HOXD11: variants seen among roughly 807,000 people sequenced by gnomAD.
The protein encoded by HOXD11 is homeobox protein Hox-D11.
HOXD11 carries 16 observed loss-of-function variants against 23.1 expected under a neutral mutation model. The ratio of observed to expected loss-of-function variants is 0.69; its 90% CI spans 0.47 to 1.05. The LOEUF (loss-of-function observed/expected upper bound fraction) is 1.05, where lower values mean the gene tolerates loss of function less well. Ranked by LOEUF, HOXD11 falls within the 50% of genes least tolerant of loss-of-function variation. The pLI, the probability that HOXD11 is intolerant of heterozygous loss-of-function variation, is 0.00. For missense variants in HOXD11, 564 were observed against 495.6 expected (o/e 1.14, Z -1.31); for synonymous variants, 262 against 224.4 (o/e 1.17, Z -1.50).
chr2:176,109,142 A>G lies in HOXD11; in HGVS notation c.1017A>G (p.Ter339TrpextTer104). The change falls in exon 2 of 2, where the codon TGA (stop) becomes TGG (tryptophan). Residue 339 changes from the stop codon to tryptophan, a stop_lost. Coordinates refer to ENST00000249504, the MANE Select transcript of HOXD11 (RefSeq NM_021192.3). ...LQYFTGNPLF* is the reference protein window; with the variant it reads ...LQYFTGNPLFW Reference sequence around the variant, plus strand: ...ATTTCACTGGAAACCCCTTATTTTGAGAGCTCCAGGAAGCGCCCTCACCCC... The same window carrying G: ...ATTTCACTGGAAACCCCTTATTTTGGGAGCTCCAGGAAGCGCCCTCACCCC... The G allele has an allele frequency of 6.2e-7, 1 of 1,601,840 alleles. No individual in the cohort carries two copies. The highest frequency in any genetic ancestry group is 8.6e-7 in the Non-Finnish European group (1 of 1,169,062).
chr2:176,107,457 C>T lies in HOXD11; in HGVS notation c.102C>T (p.Phe34=), dbSNP rs747734841. Residue 34 remains phenylalanine (F), a synonymous_variant, in exon 1 of 2, where the codon TTC becomes TTT. Coordinates refer to ENST00000249504, the MANE Select transcript of HOXD11 (RefSeq NM_021192.3). The stretch of plus-strand genomic sequence containing the variant: ...CTGACTTCGCTAGCAAGCCTTCGTT[C>T]CTTTCCCAACCGTCGTCCTGCCAGA... ...APSDFASKPS[F]LSQPSSCQMT... is the part of the protein sequence containing the mutation. 11 of 1,614,046 alleles carry T rather than the reference C, an allele frequency of 6.8e-6. No homozygotes were observed. Among genetic ancestry groups the T allele is most frequent in the Non-Finnish European group, 9.3e-6 (11 of 1,179,942 alleles).
intron 1 of HOXD11, 57 bp downstream of exon 1, chr2:176,108,193 G>GC: frequency 1.6e-6 from 1 of 617,850 alleles, no homozygotes; most frequent in Non-Finnish European, 2.3e-6. Flanking sequence ...GAGGGGGGGG[G>GC]GGCGGAGGCC....
chr2:176,112,762 G>A (rs1398682192), downstream of HOXD11, among the ~76,000 whole-genome samples: 1 of 152,238 alleles, frequency 6.6e-6, no homozygotes, highest in Non-Finnish European at 1.5e-5. Flanking sequence ...GGCTGTGCGG[G>A]GGCCCCTTGG....
intron 1 of HOXD11, among the ~76,000 whole-genome samples, chr2:176,108,586 T>C (rs1287485449): frequency 1.3e-5 from 2 of 151,792 alleles, no homozygotes. Flanking sequence ...GCGGGCCTGC[T>C]CTTGTCTCTG....
downstream of HOXD11, among the ~76,000 whole-genome samples, chr2:176,111,818 C>T (rs1197833814): frequency 1.2e-5 from 1 of 80,846 alleles, no homozygotes; most frequent in Non-Finnish European, 2.5e-5. Context: ...ACATCCCCCT[C>T]CCCCCCGCAA....
At chr2:176,113,447 T>C (rs555156813), downstream of HOXD11, among the ~76,000 whole-genome samples, 1 of 152,354 alleles carries the variant, frequency 6.6e-6, no homozygotes, top group South Asian at 2.1e-4. Flanking sequence ...ATCTCCTTTA[T>C]GGTGCAATAT....
chr2:176,110,496 T>C (rs1215857833), downstream of HOXD11, among the ~76,000 whole-genome samples: 1 of 152,194 alleles, frequency 6.6e-6, no homozygotes, highest in Non-Finnish European at 1.5e-5. Flanking sequence ...TATAAATCTA[T>C]AAATGCACAG....
chr2:176,114,473 T>G (rs917380231), downstream of HOXD11, among the ~76,000 whole-genome samples: 1 of 151,788 alleles, frequency 6.6e-6, no homozygotes. Flanking sequence ...AACCTGACAA[T>G]GATGTTGTAT....
Position 176,107,770 on chromosome 2 carries a change from G to C in HOXD11, c.415G>C (p.Val139Leu), listed in dbSNP as rs1574949193. The C allele has an allele frequency of 3.1e-6, 4 of 1,273,660 alleles. No homozygotes were observed. The highest frequency in any genetic ancestry group is 4.1e-5 in the Admixed American group (1 of 24,402). 78.9% of individuals were successfully genotyped at this position (1,273,660 alleles called of 1,614,324 possible). The change falls in exon 1 of 2, where the codon GTG becomes CTG. Residue 139 changes from valine to leucine, a missense_variant. By Grantham distance (32) the Val-to-Leu change is conservative (BLOSUM62 1). Coordinates refer to ENST00000249504, the MANE Select transcript of HOXD11 (RefSeq NM_021192.3). ...CCCGCCCGCGGGCCGCCGGCCGGACGTGCTCTTCAAGGCGCCTGAGCCGGT... is the reference window on the plus strand; with the variant it reads ...CCCGCCCGCGGGCCGCCGGCCGGACCTGCTCTTCAAGGCGCCTGAGCCGGT... Reference protein sequence around the residue: ...LLPPAGRRPDVLFKAPEPVCA... With the variant: ...LLPPAGRRPDLLFKAPEPVCA...
chr2:176,113,400 C>T (rs1402748534), downstream of HOXD11, among the ~76,000 whole-genome samples: 1 of 152,228 alleles, frequency 6.6e-6, no homozygotes, highest in Non-Finnish European at 1.5e-5. Flanking sequence ...AGAACTGTGG[C>T]AGGGAGAAGG....
chr2:176,108,354 A>C (rs847146), intron 1 of HOXD11, among the ~76,000 whole-genome samples: 62,820 of 151,096 alleles, frequency 0.42, 14,913 homozygotes, highest in African/African-American at 0.66. Flanking sequence ...GGACATTAAT[A>C]GCTGTCGAGA....
At chr2:176,112,031 G>A (rs1689682862), downstream of HOXD11, among the ~76,000 whole-genome samples, 1 of 152,146 alleles carries the variant, frequency 6.6e-6, no homozygotes, top group South Asian at 2.1e-4. Flanking sequence ...TACCAGTGGC[G>A]ACCGAGTGGC....
intron 1 of HOXD11, 100 bp from the exon 2 acceptor site, chr2:176,108,807 G>A (rs1403406514): frequency 2.6e-6 from 2 of 755,976 alleles, no homozygotes; most frequent in Non-Finnish European, 4.3e-6. Flanking sequence ...CGTCCCCAAC[G>A]GGGCCAGGGC....
At position 176,107,517 on chromosome 2, in the gene HOXD11, C is replaced by G. The variant is rs770957745; in HGVS notation, c.162C>G (p.His54Gln). ...TFPYSSNLAP[H>Q]VQPVREVAFR... is the part of the protein sequence containing the mutation. ...CCTACTCTTCCAACCTGGCTCCGCA[C>G]GTCCAGCCCGTGCGCGAAGTGGCCT... The change falls in exon 1 of 2, where the codon CAC becomes CAG. Residue 54 changes from histidine (H) to glutamine (Q), a missense_variant. Physicochemically the swap from His to Gln is conservative, Grantham distance 24. Transcript: ENST00000249504. The G allele has an allele frequency of 6.2e-7, 1 of 1,613,564 alleles. No individual in the cohort carries two copies. Among genetic ancestry groups the G allele is most frequent in the Non-Finnish European group, 8.5e-7 (1 of 1,179,802 alleles).
intron 1 of HOXD11, 58 bp from the exon 2 acceptor site, chr2:176,108,849 G>A (rs1362998774): frequency 5.6e-6 from 7 of 1,247,102 alleles, no homozygotes; most frequent in African/African-American, 1.5e-5. Flanking sequence ...GGGCGGGCGG[G>A]CGGGTGGGGG....
At chr2:176,113,669 T>A (rs1349237050), downstream of HOXD11, among the ~76,000 whole-genome samples, 3 of 152,382 alleles carry the variant, frequency 2.0e-5, no homozygotes, top group East Asian at 5.8e-4. Context: ...TGCTCAATTT[T>A]TTAATGATAA....
At chr2:176,114,155 A>G (rs1426354076), downstream of HOXD11, among the ~76,000 whole-genome samples, 1 of 152,232 alleles carries the variant, frequency 6.6e-6, no homozygotes, top group Non-Finnish European at 1.5e-5. Flanking sequence ...AGCTAGTGTC[A>G]GGGCGCCTGC....
chr2:176,115,190 A>C, the HOXD11 span, among the ~76,000 whole-genome samples: 1 of 152,152 alleles, frequency 6.6e-6, no homozygotes, highest in Admixed American at 6.5e-5. Context: ...AATGAGCCGG[A>C]CCACAACCCC....
chr2:176,111,125 T>G (rs368307858), downstream of HOXD11, among the ~76,000 whole-genome samples: 10 of 152,328 alleles, frequency 6.6e-5, no homozygotes, highest in East Asian at 1.2e-3. Flanking sequence ...TATAATGCTT[T>G]TAAAAGCATC....
Sources: gnomAD v4.1 joint callset for allele counts (sites outside exome capture counted in the v4.1 genomes callset) on GRCh38, gnomAD v4.1.1 for gene constraint, MANE v1.5 for transcripts, NCBI Gene and HGNC (gene_info 2026-07-23, HGNC 2026-07-21) for gene names.